The following MYO16 variants were observed in gnomAD, a reference collection of about 807,000 sequenced individuals.
MYO16 encodes the protein myosin XVI, also known as unconventional myosin-XVI.
In MYO16, 94 loss-of-function variants were observed where a neutral mutation model predicts 205.3. That is an observed-to-expected ratio of 0.46 (90% CI 0.39 to 0.54). The LOEUF is 0.54. Among genes scored for constraint, MYO16 ranks in the 20% least tolerant of loss-of-function variants. MYO16 has a pLI of 0.00. For missense variants in MYO16, 2,315 were observed against 2,387.5 expected (o/e 0.97, Z 0.63); for synonymous variants, 988 against 954.0 (o/e 1.04, Z -0.66).
intron 15 of MYO16, among the ~76,000 whole-genome samples, chr13:108,907,364 A>C (rs764083231): frequency 6.6e-6 from 1 of 152,230 alleles, no homozygotes; most frequent in Non-Finnish European, 1.5e-5. Flanking sequence ...GTTTCTAGTC[A>C]AAAGTATTTC....
intron 32 of MYO16, among the ~76,000 whole-genome samples, chr13:109,146,899 A>G (rs1877362887): frequency 6.6e-6 from 1 of 151,416 alleles, no homozygotes; most frequent in Non-Finnish European, 1.5e-5. Flanking sequence ...TTTAAATAAT[A>G]TATATTTAAA....
rs747019904 is a variant in MYO16 at position 109,125,366 on chromosome 13, C to A, written c.3782+8C>A. ...AGAGGAAGGAAGCAAAAGGTAAAGGCAGAGAGCATGCAATTTTAATTACCT... is the reference window on the plus strand; with the variant it reads ...AGAGGAAGGAAGCAAAAGGTAAAGGAAGAGAGCATGCAATTTTAATTACCT... On this transcript the variant is annotated splice_region_variant and intron_variant, in intron 30 of 34. Transcript: ENST00000457511. The surrounding 1 kb of genome is among the most constrained non-coding windows in gnomAD (Gnocchi z 4.0). The A allele has an allele frequency of 6.2e-7, 1 of 1,613,554 alleles. No individual in the cohort carries two copies. The highest frequency in any genetic ancestry group is 2.2e-5 in the East Asian group (1 of 44,886).
intron 2 of MYO16, among the ~76,000 whole-genome samples, chr13:108,676,372 C>CGTGTGTGTGTGTGTGTGT (rs35790433): frequency 1.5e-5 from 2 of 131,672 alleles, no homozygotes; most frequent in Admixed American, 8.5e-5. Flanking sequence ...TATATGTACG[C>CGTGTGTGTGTGTGTGTGT]GTGTGTGTGT....
chr13:108,559,107 A>G, the MYO16 span, among the ~76,000 whole-genome samples: 1 of 152,120 alleles, frequency 6.6e-6, no homozygotes, highest in South Asian at 2.1e-4. Flanking sequence ...TTTATTTGAA[A>G]TTAGACCTTT....
chr13:108,790,006 G>C (rs1360484741), intron 5 of MYO16, among the ~76,000 whole-genome samples: 1 of 152,076 alleles, frequency 6.6e-6, no homozygotes, highest in Non-Finnish European at 1.5e-5. Flanking sequence ...TGAAGGTGAG[G>C]GGCTGGGTTA....
intron 1 of MYO16, among the ~76,000 whole-genome samples, chr13:108,649,600 C>A (rs1425822957): frequency 6.6e-6 from 1 of 152,128 alleles, no homozygotes; most frequent in East Asian, 1.9e-4. Flanking sequence ...TAGTATTAAC[C>A]TTCAATAAGC....
intron 11 of MYO16, among the ~76,000 whole-genome samples, chr13:108,856,118 C>T (rs191061989): frequency 2.6e-5 from 4 of 152,282 alleles, no homozygotes; most frequent in Admixed American, 2.6e-4. Context: ...GCGGTTCTAT[C>T]GTTATTTGTA....
At chr13:108,609,088 G>A (rs1458547315) in intron 1 of MYO16, among the ~76,000 whole-genome samples, 1 of 152,262 alleles carries the variant, frequency 6.6e-6, no homozygotes. Context: ...ATTTTCCATA[G>A]GCAGGTTCAG....
intron 2 of MYO16, among the ~76,000 whole-genome samples, chr13:108,681,424 C>T (rs1882457860): frequency 6.6e-6 from 1 of 152,140 alleles, no homozygotes; most frequent in Admixed American, 6.5e-5. Flanking sequence ...GTTGTTTCAG[C>T]TCTCATTCAT....
intron 9 of MYO16, among the ~76,000 whole-genome samples, chr13:108,833,125 T>A (rs1876714975): frequency 6.6e-6 from 1 of 152,114 alleles, no homozygotes; most frequent in Non-Finnish European, 1.5e-5. Context: ...TTTTTGCATA[T>A]ATCTGTTGAG....
chr13:108,976,147 TA>T (rs1302517787), intron 20 of MYO16, among the ~76,000 whole-genome samples: 3 of 152,214 alleles, frequency 2.0e-5, no homozygotes, highest in Admixed American at 1.3e-4. Flanking sequence ...TGCAGAATAA[TA>T]AGAAAACTTC....
At chr13:108,702,067 A>G (rs942798781) in intron 2 of MYO16, among the ~76,000 whole-genome samples, 1 of 152,198 alleles carries the variant, frequency 6.6e-6, no homozygotes, top group Non-Finnish European at 1.5e-5. Flanking sequence ...CCTGTAGAGC[A>G]CCACCAAGTG....
At chr13:109,004,822 C>G (rs1020835253) in intron 21 of MYO16, among the ~76,000 whole-genome samples, 3 of 152,168 alleles carry the variant, frequency 2.0e-5, no homozygotes, top group Non-Finnish European at 2.9e-5. Context: ...CCTCTGCCAG[C>G]TATAATGTGC....
intron 4 of MYO16, among the ~76,000 whole-genome samples, chr13:108,743,988 A>T (rs1884985574): frequency 6.6e-6 from 1 of 152,232 alleles, no homozygotes; most frequent in African/African-American, 2.4e-5. Flanking sequence ...TGCCCTTGCT[A>T]TGTCAGGTGA....
intron 20 of MYO16, among the ~76,000 whole-genome samples, chr13:108,975,797 A>C (rs555821756): frequency 1.3e-4 from 20 of 152,270 alleles, no homozygotes; most frequent in African/African-American, 4.3e-4. Flanking sequence ...TCCACCCTCC[A>C]TGTGAAATGG....
intron 27 of MYO16, among the ~76,000 whole-genome samples, chr13:109,099,849 A>G (rs144837961): frequency 3.9e-5 from 6 of 152,366 alleles, no homozygotes; most frequent in African/African-American, 1.4e-4. Context: ...AGGAAACTGA[A>G]TAAACTCATT....
chr13:108,894,683 C>T (rs1880328652), intron 14 of MYO16, among the ~76,000 whole-genome samples: 1 of 152,078 alleles, frequency 6.6e-6, no homozygotes, highest in Admixed American at 6.6e-5. Flanking sequence ...CTCATTTGGC[C>T]CATCTTAAAA....
At chr13:108,566,221 C>A in the MYO16 span, among the ~76,000 whole-genome samples, 8 of 152,010 alleles carry the variant, frequency 5.3e-5, no homozygotes, top group Non-Finnish European at 1.2e-4. Flanking sequence ...TTGGTCTGTT[C>A]AGATAACAGA....
At chr13:109,049,451 T>C (rs1442108332) in intron 24 of MYO16, among the ~76,000 whole-genome samples, 1 of 152,208 alleles carries the variant, frequency 6.6e-6, no homozygotes, top group Non-Finnish European at 1.5e-5. Flanking sequence ...TAGGATGACA[T>C]GGATCTTGCT....
Sources: gnomAD v4.1 joint callset for allele counts (sites outside exome capture counted in the v4.1 genomes callset) on GRCh38, gnomAD v4.1.1 for gene constraint, Gnocchi (gnomAD v3.1) non-coding constraint, MANE v1.5 for transcripts, NCBI Gene and HGNC (gene_info 2026-07-23, HGNC 2026-07-21) for gene names.